UNC13C: variants seen among roughly 807,000 people sequenced by gnomAD.
UNC13C encodes the protein unc-13 homolog C.
Under a neutral mutation model 245.4 loss-of-function variants are expected in UNC13C, and 174 were observed. The ratio of observed to expected loss-of-function variants is 0.71; its 90% CI spans 0.63 to 0.80. The LOEUF (loss-of-function observed/expected upper bound fraction) is 0.80, where lower values mean the gene tolerates loss of function less well. UNC13C is among the 30% of genes least tolerant of loss of function. The pLI is 0.00. For missense variants in UNC13C, 2,829 were observed against 2,602.9 expected (o/e 1.09, Z -1.89); for synonymous variants, 992 against 895.1 (o/e 1.11, Z -1.93).
intron 19 of UNC13C, 93 bp from the exon 20 acceptor site, chr15:54,494,515 C>T: frequency 8.0e-7 from 1 of 1,246,192 alleles, no homozygotes; most frequent in East Asian, 2.8e-5. Context: ...TATTTTCTTC[C>T]TTTTAGAAAT....
the UNC13C span, among the ~76,000 whole-genome samples, chr15:53,933,500 C>T: frequency 6.6e-6 from 1 of 152,148 alleles, no homozygotes; most frequent in Non-Finnish European, 1.5e-5. Context: ...TATTCCACAG[C>T]ACTGGGGGTG....
the UNC13C span, among the ~76,000 whole-genome samples, chr15:53,880,447 C>T: frequency 6.6e-6 from 1 of 152,230 alleles, no homozygotes; most frequent in South Asian, 2.1e-4. Context: ...AATGTCCGAA[C>T]TACACGTTTG....
At chr15:53,863,754 T>C in the UNC13C span, among the ~76,000 whole-genome samples, 1 of 152,228 alleles carries the variant, frequency 6.6e-6, no homozygotes, top group African/African-American at 2.4e-5. Context: ...GTATTATGTA[T>C]GCCACACTTG....
chr15:54,234,846 TAC>T (rs879325853), intron 4 of UNC13C, among the ~76,000 whole-genome samples, 182 bp from the exon 5 acceptor site: 1 of 152,184 alleles, frequency 6.6e-6, no homozygotes, highest in Non-Finnish European at 1.5e-5. Flanking sequence ...ATGTGGTAGC[TAC>T]AGTCTTTTTT....
intron 19 of UNC13C, among the ~76,000 whole-genome samples, chr15:54,420,447 C>T (rs1197237304): frequency 6.6e-6 from 1 of 151,734 alleles, no homozygotes; most frequent in Non-Finnish European, 1.5e-5. Context: ...TGAAGCCACA[C>T]TCAGTCACTT....
chr15:54,594,831 G>T (rs886600483), intron 30 of UNC13C, among the ~76,000 whole-genome samples: 1 of 152,190 alleles, frequency 6.6e-6, no homozygotes, highest in South Asian at 2.1e-4. Context: ...CCACCCAGTG[G>T]GTACCCCGAG....
chr15:54,353,279 A>T (rs542599286), intron 17 of UNC13C, among the ~76,000 whole-genome samples: 78 of 152,304 alleles, frequency 5.1e-4, no homozygotes, highest in African/African-American at 1.8e-3. Flanking sequence ...ATAATGCAGT[A>T]TTAAAAGAAA....
chr15:54,051,519 A>G (rs1167065631), intron 2 of UNC13C, among the ~76,000 whole-genome samples: 1 of 151,984 alleles, frequency 6.6e-6, no homozygotes, highest in Non-Finnish European at 1.5e-5. Flanking sequence ...AAATATAGAG[A>G]CTTTAGTACA....
chr15:53,996,483 T>A (rs542674188), intron 1 of UNC13C, among the ~76,000 whole-genome samples: 1 of 152,292 alleles, frequency 6.6e-6, no homozygotes, highest in South Asian at 2.1e-4. Flanking sequence ...ATTTAGATAT[T>A]TTTATTGGAG....
intron 2 of UNC13C, among the ~76,000 whole-genome samples, chr15:54,025,600 T>A (rs761201447): frequency 6.6e-5 from 10 of 152,212 alleles, no homozygotes; most frequent in Non-Finnish European, 1.3e-4. Flanking sequence ...TAATTAAGCA[T>A]TACCCCATGC....
At chr15:54,459,190 A>G (rs939418941) in intron 19 of UNC13C, among the ~76,000 whole-genome samples, 12 of 152,128 alleles carry the variant, frequency 7.9e-5, no homozygotes, top group Non-Finnish European at 1.0e-4. Context: ...GCTGATAACT[A>G]TTTTGTTAAG....
At chr15:54,305,605 A>G (rs1362348666) in intron 13 of UNC13C, among the ~76,000 whole-genome samples, 1 of 152,048 alleles carries the variant, frequency 6.6e-6, no homozygotes, top group Non-Finnish European at 1.5e-5. Flanking sequence ...GCATCAGGGA[A>G]CAACAACAAT....
intron 17 of UNC13C, among the ~76,000 whole-genome samples, chr15:54,391,167 A>G (rs1567233991): frequency 1.3e-5 from 2 of 151,998 alleles, no homozygotes; most frequent in Non-Finnish European, 2.9e-5. Context: ...ATGTGTAATA[A>G]TTTTCTTTCA....
chr15:54,118,940 A>G (rs1460928841), intron 2 of UNC13C, among the ~76,000 whole-genome samples: 1 of 150,560 alleles, frequency 6.6e-6, no homozygotes, highest in Admixed American at 6.6e-5. Context: ...GATGTATCAC[A>G]TTGATTGACA....
chr15:53,964,042 A>C, the UNC13C span, among the ~76,000 whole-genome samples: 1 of 152,206 alleles, frequency 6.6e-6, no homozygotes, highest in Non-Finnish European at 1.5e-5. Context: ...TCTGGAAAGA[A>C]ATGGTCTTTA....
chr15:53,964,396 A>C, the UNC13C span, among the ~76,000 whole-genome samples: 6 of 152,190 alleles, frequency 3.9e-5, no homozygotes, highest in East Asian at 1.2e-3. Flanking sequence ...TAGTACAAAC[A>C]CTATATTTTT....
intron 2 of UNC13C, among the ~76,000 whole-genome samples, chr15:54,125,373 G>A (rs1409552482): frequency 6.6e-6 from 1 of 152,192 alleles, no homozygotes; most frequent in East Asian, 1.9e-4. Context: ...TGAGGCAGGA[G>A]AATCACTTGA....
the UNC13C span, among the ~76,000 whole-genome samples, chr15:53,937,497 A>G: frequency 0.017 from 2,534 of 152,284 alleles, 105 homozygotes; most frequent in East Asian, 0.14. Context: ...CAACCTAGCA[A>G]GACAGGCCAG....
At chr15:54,517,102 T>C (rs1042620103) in intron 24 of UNC13C, among the ~76,000 whole-genome samples, 2 of 152,118 alleles carry the variant, frequency 1.3e-5, no homozygotes, top group African/African-American at 4.8e-5. Context: ...AATGGTGTTA[T>C]AGTTAACAGA....
Sources: allele counts gnomAD v4.1 joint callset (sites outside exome capture counted in the v4.1 genomes callset), GRCh38; gene constraint gnomAD v4.1.1; transcripts MANE v1.5; gene names NCBI Gene and HGNC (gene_info 2026-07-23, HGNC 2026-07-21).